Variants in GATAD1 observed in about 807,000 individuals in gnomAD.
GATAD1 encodes GATA zinc finger domain containing 1.
Under a neutral mutation model 26.5 loss-of-function variants are expected in GATAD1, and 12 were observed. The observed-to-expected ratio is 0.45, with a 90% CI of 0.29 to 0.73. The LOEUF is 0.73. GATAD1 is among the 30% of genes least tolerant of loss of function. The probability of loss-of-function intolerance (pLI) is 0.10; values close to 1 mark genes in which losing one functional copy is unlikely to be tolerated. For synonymous variants in GATAD1, 129 were observed against 133.1 expected (o/e 0.97, Z 0.21); for missense variants, 266 against 342.1 (o/e 0.78, Z 1.75).
the GATAD1 span, chr7:92,494,414 A>T: frequency 6.2e-6 from 10 of 1,611,696 alleles, no homozygotes; most frequent in East Asian, 1.1e-4. Context: ...AAAAAAGAAC[A>T]TTTTTTTACC....
chr7:92,494,396 C>A, the GATAD1 span: 2 of 1,613,698 alleles, frequency 1.2e-6, no homozygotes, highest in Middle Eastern at 1.7e-4. Flanking sequence ...TACATAAACA[C>A]CTAGAGGAAA....
At chr7:92,490,018 C>T in the GATAD1 span, 1 of 886,762 alleles carries the variant, frequency 1.1e-6, no homozygotes, top group Non-Finnish European at 1.8e-6. Context: ...AAAACATTAA[C>T]ATAGATAAGT....
chr7:92,490,091 C>T, the GATAD1 span: 4 of 634,126 alleles, frequency 6.3e-6, no homozygotes, highest in South Asian at 5.7e-5. Context: ...TAAAGGTTCA[C>T]TGATACCTGT....
At chr7:92,493,254 G>A in the GATAD1 span, 1 of 577,712 alleles carries the variant, frequency 1.7e-6, no homozygotes, top group South Asian at 2.8e-5. Flanking sequence ...TAAGTAAGTT[G>A]AGAAATGTAC....
In GATAD1 at chr7:92,449,574, G is replaced by A. The variant is rs566013575; in HGVS notation, c.375+697G>A. The A allele has an allele frequency of 2.7e-5, 26 of 976,582 alleles. No individual in the cohort carries two copies. The East Asian group carries it at 2.5e-3, about 94-fold the overall frequency. The allele number at this position is 976,582 out of a possible 1,614,324, so 60.5% of individuals were successfully genotyped here. Reference sequence around the variant, plus strand: ...TATTCTTTTCTTTCAGAACAGGAATGTTTCACTTACCCGTAAAGACGTTTC... The same window carrying A: ...TATTCTTTTCTTTCAGAACAGGAATATTTCACTTACCCGTAAAGACGTTTC... On this transcript the variant is annotated intron_variant, in intron 2 of 4. Transcript: ENST00000287957.
chr7:92,489,597 G>T, the GATAD1 span: 1 of 1,051,590 alleles, frequency 9.5e-7, no homozygotes, highest in African/African-American at 1.6e-5. Flanking sequence ...GAGTTAATGT[G>T]TTCTGGTCCC....
the GATAD1 span, chr7:92,471,888 CT>C: frequency 6.6e-6 from 1 of 152,138 alleles, no homozygotes; most frequent in African/African-American, 2.4e-5. Flanking sequence ...TATATTTGCC[CT>C]TTTTTCTTCT....
chr7:92,478,243 G>A, the GATAD1 span, among the ~76,000 whole-genome samples: 1 of 152,176 alleles, frequency 6.6e-6, no homozygotes, highest in Non-Finnish European at 1.5e-5. Flanking sequence ...ATCCCAGAAA[G>A]GAAGCCCGCC....
At chr7:92,468,320 G>T in the GATAD1 span, 1 of 175,850 alleles carries the variant, frequency 5.7e-6, no homozygotes, top group Non-Finnish European at 1.2e-5. Flanking sequence ...GCGGCAAACA[G>T]CAGTGGTGGA....
In GATAD1 at chr7:92,459,439, T is replaced by G. The variant is rs1433095606; in HGVS notation, c.*2877T>G. On this transcript the variant is annotated 3_prime_UTR_variant, in exon 5 of 5. Transcript: ENST00000287957. ...GATTGAATTTCACCCAGTGTGATGGTTCCCATTGCTTATATTTCTCCTGCT... is the reference window on the plus strand; with the variant it reads ...GATTGAATTTCACCCAGTGTGATGGGTCCCATTGCTTATATTTCTCCTGCT... 1 of 152,192 alleles carries G rather than the reference T, an allele frequency of 6.6e-6. No homozygotes were observed. Among genetic ancestry groups the G allele is most frequent in the Non-Finnish European group, 1.5e-5 (1 of 68,042 alleles). The allele number at this position is 152,192 out of a possible 1,614,324, so 9.4% of individuals were successfully genotyped here.
chr7:92,469,148 C>T, the GATAD1 span: 41 of 704,598 alleles, frequency 5.8e-5, no homozygotes, highest in East Asian at 3.7e-4. Context: ...GTGACGATTC[C>T]GGATTGATTA....
the GATAD1 span, chr7:92,493,130 C>A: frequency 1.3e-6 from 2 of 1,547,186 alleles, no homozygotes; most frequent in Non-Finnish European, 1.8e-6. Flanking sequence ...GACGTGACAC[C>A]TGAAAGGAGA....
intron 1 of GATAD1, among the ~76,000 whole-genome samples, 179 bp from the exon 2 acceptor site, chr7:92,448,573 C>A (rs1358396052): frequency 6.6e-6 from 1 of 152,166 alleles, no homozygotes; most frequent in Non-Finnish European, 1.5e-5. Flanking sequence ...TGCTGAACTT[C>A]CGGTTTTACT....
chr7:92,495,639 A>C, the GATAD1 span, among the ~76,000 whole-genome samples: 1 of 152,110 alleles, frequency 6.6e-6, no homozygotes, highest in Non-Finnish European at 1.5e-5. Context: ...TTTCTGGGAT[A>C]TCTTTAGCGA....
intron 1 of GATAD1, among the ~76,000 whole-genome samples, chr7:92,448,301 C>T (rs1789258353): frequency 6.6e-6 from 1 of 152,184 alleles, no homozygotes; most frequent in Non-Finnish European, 1.5e-5. Context: ...TTTGTCATAT[C>T]AGGTTATGAA....
chr7:92,450,852 CTTTATT>C (rs926860802), intron 3 of GATAD1, 92 bp downstream of exon 3: 6 of 768,086 alleles, frequency 7.8e-6, no homozygotes, highest in African/African-American at 7.0e-5. Context: ...CTCTGCTACT[CTTTATT>C]TGTATAAGGT....
the GATAD1 span, chr7:92,491,165 CA>C: frequency 1.3e-6 from 1 of 770,696 alleles, no homozygotes; most frequent in Non-Finnish European, 2.3e-6. Context: ...AAGAACCAAC[CA>C]ACCAGGAAGA....
chr7:92,455,421 A>G (rs1004282304), intron 4 of GATAD1, among the ~76,000 whole-genome samples: 1 of 152,196 alleles, frequency 6.6e-6, no homozygotes, highest in African/African-American at 2.4e-5. Flanking sequence ...CATACTTGCA[A>G]ATTCTCAATA....
At chr7:92,469,391 C>T in the GATAD1 span, 39 of 771,224 alleles carry the variant, frequency 5.1e-5, no homozygotes, top group Non-Finnish European at 8.6e-5. Flanking sequence ...CCTAGTGCAC[C>T]TAGCACTCCT....
Sources: allele counts gnomAD v4.1 joint callset (sites outside exome capture counted in the v4.1 genomes callset), GRCh38; gene constraint gnomAD v4.1.1; transcripts MANE v1.5; gene names NCBI Gene and HGNC (gene_info 2026-07-23, HGNC 2026-07-21).